The following KHDRBS2 variants were observed in gnomAD, a reference collection of about 807,000 sequenced individuals.
KHDRBS2 encodes the protein KH domain-containing, RNA-binding, signal transduction-associated protein 2.
KHDRBS2 carries 26 observed loss-of-function variants against 44.3 expected under a neutral mutation model. That is an observed-to-expected ratio of 0.59 (90% confidence interval 0.43 to 0.81). The LOEUF (loss-of-function observed/expected upper bound fraction) is 0.81, where lower values mean the gene tolerates loss of function less well. Among genes scored for constraint, KHDRBS2 ranks in the 40% least tolerant of loss-of-function variants. KHDRBS2 has a pLI of 0.00. For missense variants in KHDRBS2, 476 were observed against 433.1 expected (o/e 1.10, Z -0.88); for synonymous variants, 194 against 151.1 (o/e 1.28, Z -2.08).
chr6:62,110,563 T>C (rs1418882716), intron 2 of KHDRBS2, among the ~76,000 whole-genome samples: 4 of 152,056 alleles, frequency 2.6e-5, no homozygotes, highest in Non-Finnish European at 5.9e-5. Context: ...ATTCAAATAA[T>C]TATGTTGAGT....
the KHDRBS2 span, among the ~76,000 whole-genome samples, chr6:61,645,475 T>C: frequency 6.7e-6 from 1 of 148,454 alleles, no homozygotes; most frequent in Non-Finnish European, 1.5e-5. Context: ...AAAAAAAAAA[T>C]TTAAAAACAA....
intron 2 of KHDRBS2, among the ~76,000 whole-genome samples, chr6:62,176,209 T>G (rs182039681): frequency 6.6e-6 from 1 of 151,464 alleles, no homozygotes; most frequent in East Asian, 1.9e-4. Flanking sequence ...CTAATAAAGT[T>G]TATTTTAAAA....
intron 6 of KHDRBS2, among the ~76,000 whole-genome samples, chr6:61,873,101 G>A (rs1798897657): frequency 6.6e-6 from 1 of 151,808 alleles, no homozygotes; most frequent in African/African-American, 2.4e-5. Flanking sequence ...TTATGACCTT[G>A]GAATAGAAAA....
chr6:61,696,752 A>G (rs2127543777), intron 8 of KHDRBS2, among the ~76,000 whole-genome samples: 1 of 152,208 alleles, frequency 6.6e-6, no homozygotes, highest in East Asian at 1.9e-4. Flanking sequence ...TTTTTGAGCC[A>G]AGCATTATTT....
the KHDRBS2 span, among the ~76,000 whole-genome samples, chr6:61,585,915 T>C: frequency 2.6e-5 from 4 of 152,188 alleles, no homozygotes; most frequent in South Asian, 6.2e-4. Context: ...ATTTAGAAAT[T>C]AGAGAACAAT....
chr6:61,641,037 T>TATATTCTTGTGTATGCTATGGG, the KHDRBS2 span, among the ~76,000 whole-genome samples: 1 of 152,172 alleles, frequency 6.6e-6, no homozygotes, highest in Non-Finnish European at 1.5e-5. Flanking sequence ...AAATCTAAGT[T>TATATTCTTGTGTATGCTATGGG]ATATTCTTGT....
chr6:62,085,564 A>C (rs1562821467), intron 2 of KHDRBS2, among the ~76,000 whole-genome samples: 1 of 152,186 alleles, frequency 6.6e-6, no homozygotes, highest in Non-Finnish European at 1.5e-5. Context: ...AGAAGTCAAG[A>C]GTTTAATGTA....
At chr6:62,281,456 C>A (rs2150196774) in intron 1 of KHDRBS2, among the ~76,000 whole-genome samples, 1 of 151,972 alleles carries the variant, frequency 6.6e-6, no homozygotes. Flanking sequence ...CCAGTCTCTA[C>A]TAAAAATACA....
Position 62,255,178 on chromosome 6 carries a change from T to C in KHDRBS2, c.91+30680A>G, listed in dbSNP as rs147235297. The stretch of plus-strand genomic sequence containing the variant: ...CTTCCCAAAGTCTCCTTAACATCCA[T>C]CCTTGGAAATCCAGAACACATTTTC... On this transcript the variant is annotated intron_variant, in intron 1 of 8. Coordinates refer to ENST00000281156, the MANE Select transcript of KHDRBS2 (RefSeq NM_152688.4). Among the ~76,000 whole-genome samples, 789 of 152,068 alleles carry C rather than the reference T, an allele frequency of 5.2e-3. 3 individuals carry two copies. The highest frequency in any genetic ancestry group is 7.4e-3 in the Non-Finnish European group (502 of 67,940).
In KHDRBS2 at chr6:62,058,902, C is replaced by A. The variant is rs979556628; in HGVS notation, c.220-10908G>T. On this transcript the variant is annotated intron_variant, in intron 2 of 8. Coordinates refer to ENST00000281156, the MANE Select transcript of KHDRBS2 (RefSeq NM_152688.4). ...TATATTACCACAAATATAATTTATT[C>A]AATGGACATATTTGTATAAAATAAA... Among the ~76,000 whole-genome samples the A allele has an allele frequency of 7.3e-5, 11 of 151,664 alleles. No homozygotes were observed. The Middle Eastern group carries it at 0.01, about 141-fold the overall frequency.
chr6:61,964,734 G>A (rs1276008122), intron 4 of KHDRBS2, among the ~76,000 whole-genome samples: 1 of 152,056 alleles, frequency 6.6e-6, no homozygotes, highest in Non-Finnish European at 1.5e-5. Flanking sequence ...GATTTCAAGT[G>A]ATTCTGACAT....
intron 1 of KHDRBS2, among the ~76,000 whole-genome samples, chr6:62,227,479 T>C (rs910501611): frequency 1.3e-5 from 2 of 152,186 alleles, no homozygotes; most frequent in African/African-American, 4.8e-5. Flanking sequence ...ACAGAGACGA[T>C]TTGACTTCTT....
chr6:61,878,087 A>G lies in KHDRBS2; in HGVS notation c.810+16548T>C, dbSNP rs568849293. Reference sequence around the variant, plus strand: ...GTCCAATTAATTTACTACATGTTCCATAGTGTTTCCCATAGTTCCCTCTTT... The same window carrying G: ...GTCCAATTAATTTACTACATGTTCCGTAGTGTTTCCCATAGTTCCCTCTTT... On this transcript the variant is annotated intron_variant, in intron 6 of 8. Transcript: ENST00000281156. Among the ~76,000 whole-genome samples, 206 of 152,052 alleles carry G rather than the reference A, an allele frequency of 1.4e-3. 1 individual carries two copies. The highest frequency in any genetic ancestry group is 4.8e-3 in the African/African-American group (199 of 41,532).
intron 1 of KHDRBS2, among the ~76,000 whole-genome samples, chr6:62,267,335 C>T (rs1279201162): frequency 6.6e-6 from 1 of 152,034 alleles, no homozygotes. Context: ...CCAAAGTTTA[C>T]ATGTCCTCTA....
At chr6:61,843,651 C>T (rs2127274566) in intron 6 of KHDRBS2, among the ~76,000 whole-genome samples, 1 of 152,190 alleles carries the variant, frequency 6.6e-6, no homozygotes, top group African/African-American at 2.4e-5. Flanking sequence ...AGGCGTGAGC[C>T]ACTGCACCCA....
the KHDRBS2 span, among the ~76,000 whole-genome samples, chr6:61,555,257 G>A: frequency 2.0e-5 from 3 of 151,966 alleles, no homozygotes; most frequent in Admixed American, 2.0e-4. Flanking sequence ...CAGAAAACAG[G>A]TTTGGAGCTC....
chr6:62,004,298 CA>C (rs1778814696), intron 3 of KHDRBS2, among the ~76,000 whole-genome samples: 1 of 151,888 alleles, frequency 6.6e-6, no homozygotes, highest in South Asian at 2.1e-4. Flanking sequence ...CAAATAGACG[CA>C]ACAAAAAATG....
At chr6:61,911,345 T>C (rs1033090514) in intron 4 of KHDRBS2, among the ~76,000 whole-genome samples, 2 of 152,198 alleles carry the variant, frequency 1.3e-5, no homozygotes, top group African/African-American at 4.8e-5. Flanking sequence ...ATGTAGGTTC[T>C]GGGGAGACAG....
chr6:62,228,278 C>T (rs561364166), intron 1 of KHDRBS2, among the ~76,000 whole-genome samples: 1 of 152,212 alleles, frequency 6.6e-6, no homozygotes, highest in Admixed American at 6.5e-5. Context: ...AGGAATGTAT[C>T]TATTTCTTCT....
Sources: gnomAD v4.1 joint callset for allele counts (sites outside exome capture counted in the v4.1 genomes callset) on GRCh38, gnomAD v4.1.1 for gene constraint, MANE v1.5 for transcripts, NCBI Gene and HGNC (gene_info 2026-07-23, HGNC 2026-07-21) for gene names.